NEBL: variants seen among roughly 807,000 people sequenced by gnomAD.
NEBL encodes the protein LIM and SH3 protein 2.
Under a neutral mutation model 140.2 loss-of-function variants are expected in NEBL, and 122 were observed. That is an observed-to-expected ratio of 0.87 (90% CI 0.75 to 1.01). The LOEUF is 1.01. Among genes scored for constraint, NEBL ranks in the 50% least tolerant of loss-of-function variants. The pLI, the probability that NEBL is intolerant of heterozygous loss-of-function variation, is 0.00. For synonymous variants in NEBL, 436 were observed against 398.9 expected, an observed-to-expected ratio of 1.09 and a Z score of -1.11; for missense variants, 1,365 against 1,231.3, an observed-to-expected ratio of 1.11 and a Z score of -1.62.
chr10:21,006,213 T>C (rs1287921057), intron 3 of NEBL, among the ~76,000 whole-genome samples: 1 of 152,218 alleles, frequency 6.6e-6, no homozygotes, highest in Non-Finnish European at 1.5e-5. Context: ...GTTTCCAGTT[T>C]TGTGCTACTA....
chr10:21,144,663 G>A lies in NEBL; in HGVS notation c.164+27720C>T, dbSNP rs137939345. Among the ~76,000 whole-genome samples the A allele has an allele frequency of 3.0e-3, 455 of 152,116 alleles. 1 individual carries two copies. Among genetic ancestry groups the A allele is most frequent in the African/African-American group, 9.9e-3 (410 of 41,478 alleles). ...ATCACTTGAACCCGGGGAGTTGGAG[G>A]TTGCAATGAGCCGAGATCATGTCAC... is the stretch of plus-strand genomic sequence containing the variant. On this transcript the variant is annotated intron_variant, in intron 2 of 6. Coordinates refer to the NEBL transcript ENST00000417816.
At chr10:21,288,746 C>T (rs1843094880) in intron 1 of NEBL, among the ~76,000 whole-genome samples, 1 of 111,264 alleles carries the variant, frequency 9.0e-6, no homozygotes, top group Non-Finnish European at 1.8e-5. Context: ...GGCGACAGAG[C>T]GAGACTCCAT....
At chr10:20,827,839 G>A (rs973443121) in intron 17 of NEBL, among the ~76,000 whole-genome samples, 21 of 152,014 alleles carry the variant, frequency 1.4e-4, no homozygotes, top group African/African-American at 4.6e-4. Flanking sequence ...ACCAAATACC[G>A]CATTTTCTCA....
chr10:21,263,495 G>A (rs940081180), intron 1 of NEBL, among the ~76,000 whole-genome samples: 1 of 152,168 alleles, frequency 6.6e-6, no homozygotes, highest in Non-Finnish European at 1.5e-5. Flanking sequence ...TTCTTTGTCC[G>A]TGACCAGGTC....
chr10:21,068,649 G>C (rs1053692290), intron 2 of NEBL, among the ~76,000 whole-genome samples: 1 of 152,194 alleles, frequency 6.6e-6, no homozygotes, highest in African/African-American at 2.4e-5. Context: ...TCAGCTGTCA[G>C]CTACTAAGCC....
chr10:21,208,909 C>G (rs1450285580), intron 3 of NEBL, among the ~76,000 whole-genome samples: 1 of 152,182 alleles, frequency 6.6e-6, no homozygotes, highest in East Asian at 1.9e-4. Flanking sequence ...CAAGGAGTAG[C>G]TAGATAAGTC....
chr10:20,809,852 A>T lies in NEBL; in HGVS notation c.2565T>A (p.Asp855Glu). ...TAGACTGAATATTGTCTTCCAGGGG[A>T]TCAAGGTCGAAGATGGAGCCAGGAT... ...RTDPGSIFDL[D>E]PLEDNIQSRS... The change falls in exon 25 of 28, where the codon GAT (aspartate) becomes GAA (glutamate). Residue 855 changes from aspartate (D) to glutamate (E), a missense_variant. This residue lies in a region of NEBL where 1,323 missense variants were observed against 1,154.8 expected (regional missense o/e 1.15). Coordinates refer to ENST00000377122, the MANE Select transcript of NEBL (RefSeq NM_006393.3). The T allele has an allele frequency of 1.2e-6, 2 of 1,613,642 alleles. No individual in the cohort carries two copies. The highest frequency in any genetic ancestry group is 1.7e-6 in the Non-Finnish European group (2 of 1,179,830).
chr10:20,799,959 AAG>A (rs59024329), intron 26 of NEBL, among the ~76,000 whole-genome samples: 11,961 of 151,400 alleles, frequency 0.079, 535 homozygotes, highest in Admixed American at 0.11. Context: ...GAGACGGAGA[AAG>A]AGAGAGCGCA....
intron 2 of NEBL, among the ~76,000 whole-genome samples, chr10:21,066,194 A>T (rs544738395): frequency 2.9e-3 from 440 of 152,226 alleles, no homozygotes; most frequent in Non-Finnish European, 5.4e-3. Flanking sequence ...CTCCTTCCTA[A>T]CTTGTAAGAA....
rs757137295 is a variant in NEBL at position 20,835,639 on chromosome 10, T to A, written c.1339-16A>T. 1.3e-6 allele frequency: 2 copies of A among 1,539,644 alleles called. No individual in the cohort carries two copies. The highest frequency in any genetic ancestry group is 2.2e-5 in the East Asian group (1 of 44,520). The stretch of plus-strand genomic sequence containing the variant: ...TGTATTCTTTCTGCAAAAGACAACA[T>A]TTTACAACATTCAAACACTCAGTGG... On this transcript the variant is annotated splice_polypyrimidine_tract_variant and intron_variant, in intron 13 of 27. Transcript: ENST00000377122.
chr10:21,185,491 T>A lies in NEBL; in HGVS notation n.349-13014A>T, dbSNP rs1436709313. Reference sequence around the variant, plus strand: ...CTTTCGGTTCCATTTTCTTTCCTTTTTTTTTTTTTTTTTTTTTTTTTTTTG... The same window carrying A: ...CTTTCGGTTCCATTTTCTTTCCTTTATTTTTTTTTTTTTTTTTTTTTTTTG... On this transcript the variant is annotated intron_variant and non_coding_transcript_variant, in intron 3 of 8. Coordinates refer to the NEBL transcript ENST00000675702. Among the ~76,000 whole-genome samples, 79 of 110,832 alleles carry A rather than the reference T, an allele frequency of 7.1e-4. 1 individual carries two copies. The highest frequency in any genetic ancestry group is 3.8e-3 in the African/African-American group (77 of 20,094). The allele number at this position is 110,832 out of a possible 152,430, so 72.7% of individuals were successfully genotyped here.
At position 20,888,211 on chromosome 10, in the gene NEBL, G is replaced by C. The variant is rs765885802; in HGVS notation, c.259-4C>G. On this transcript the variant is annotated splice_polypyrimidine_tract_variant and splice_region_variant and intron_variant, in intron 3 of 27. Coordinates refer to ENST00000377122, the MANE Select transcript of NEBL (RefSeq NM_006393.3). ...TAATGGTGCCTTTGTATTTTGCCTG[G>C]GGGAAAAAAAAACAGGAAAAAAATA... The C allele has an allele frequency of 1.3e-6, 2 of 1,525,766 alleles. No individual in the cohort carries two copies. Among genetic ancestry groups the C allele is most frequent in the East Asian group, 2.3e-5 (1 of 44,026 alleles). The allele number at this position is 1,525,766 out of a possible 1,614,324, so 94.5% of individuals were successfully genotyped here. A position where few individuals can be genotyped will look rare whatever the true frequency, so the allele number is the denominator to read the frequency against.
intron 2 of NEBL, among the ~76,000 whole-genome samples, chr10:21,111,652 G>A (rs1014067496): frequency 6.6e-6 from 1 of 150,478 alleles, no homozygotes; most frequent in Non-Finnish European, 1.5e-5. Flanking sequence ...AGAAAACCTA[G>A]GCAATACCAT....
chr10:21,005,490 T>G (rs1838099796), intron 3 of NEBL, among the ~76,000 whole-genome samples: 1 of 147,236 alleles, frequency 6.8e-6, no homozygotes, highest in South Asian at 2.1e-4. Flanking sequence ...ATCCCAGAAG[T>G]TTGCAAGGTC....
chr10:21,219,587 T>C (rs1020029811), intron 3 of NEBL, among the ~76,000 whole-genome samples: 3 of 152,236 alleles, frequency 2.0e-5, no homozygotes, highest in East Asian at 1.9e-4. Context: ...CCTGGTCTTT[T>C]ATGGTTTCAT....
chr10:21,208,715 G>A lies in NEBL; in HGVS notation n.349-36238C>T, dbSNP rs191125274. Among the ~76,000 whole-genome samples, 275 of 152,236 alleles carry A rather than the reference G, an allele frequency of 1.8e-3. 1 individual carries two copies. The highest frequency in any genetic ancestry group is 3.1e-3 in the Non-Finnish European group (214 of 68,030). On this transcript the variant is annotated intron_variant and non_coding_transcript_variant, in intron 3 of 8. Transcript: ENST00000675702. The stretch of plus-strand genomic sequence containing the variant: ...TTCTTGCTGCAGGTGGGGAGAGCAC[G>A]AGCAAGGAGCAGGCCTGGAAGTCAC...
At chr10:21,064,156 C>T (rs968078934) in intron 2 of NEBL, among the ~76,000 whole-genome samples, 3 of 152,140 alleles carry the variant, frequency 2.0e-5, no homozygotes, top group Non-Finnish European at 4.4e-5. Context: ...TTTAAATAAT[C>T]ACAGCAGTAG....
intron 3 of NEBL, among the ~76,000 whole-genome samples, chr10:20,992,110 C>T (rs1837479405): frequency 6.6e-6 from 1 of 151,984 alleles, no homozygotes. Context: ...GAATGCTAAT[C>T]CTTATGTTTT....
chr10:21,266,073 C>A (rs1232735971), intron 1 of NEBL, among the ~76,000 whole-genome samples: 1 of 152,160 alleles, frequency 6.6e-6, no homozygotes, highest in Non-Finnish European at 1.5e-5. Flanking sequence ...GCCCCTCGAT[C>A]CTGCTGCCCC....
Sources: allele counts gnomAD v4.1 joint callset (sites outside exome capture counted in the v4.1 genomes callset), GRCh38; gene constraint gnomAD v4.1.1; regional missense constraint gnomAD v4.1.1; transcripts MANE v1.5; gene names NCBI Gene and HGNC (gene_info 2026-07-23, HGNC 2026-07-21).